The following CLYBL variants were observed in gnomAD, a reference collection of about 807,000 sequenced individuals.
CLYBL encodes the protein citramalyl-CoA lyase.
Under a neutral mutation model 38.9 loss-of-function variants are expected in CLYBL, and 31 were observed. The observed-to-expected ratio is 0.80, with a 90% CI of 0.60 to 1.08. CLYBL has a LOEUF of 1.08. Ranked by LOEUF, CLYBL falls within the 50% of genes least tolerant of loss-of-function variation. CLYBL has a pLI of 0.00. For missense variants in CLYBL, 434 were observed against 411.6 expected (o/e 1.05, Z -0.47); for synonymous variants, 171 against 158.6 (o/e 1.08, Z -0.59).
intron 2 of CLYBL, among the ~76,000 whole-genome samples, chr13:99,800,879 A>T (rs1239016625): frequency 2.0e-5 from 3 of 147,858 alleles, no homozygotes; most frequent in Admixed American, 1.4e-4. Context: ...GTCTCAAATT[A>T]AAAAACAACA....
chr13:99,644,202 GTA>G (rs1365047125), intron 1 of CLYBL, among the ~76,000 whole-genome samples: 2 of 73,236 alleles, frequency 2.7e-5, no homozygotes, highest in Admixed American at 2.5e-4. Flanking sequence ...TATATGTGGT[GTA>G]TGTGTATATG....
rs1438231059 is a variant in CLYBL at position 99,788,355 on chromosome 13, T to C, written c.249+15345T>C. ...GTGGATTTGTCATAAATAGCTCTTA[T>C]TATTTTGAGATACATCCCATCAATA... On this transcript the variant is annotated intron_variant, in intron 2 of 8. Coordinates refer to ENST00000339105, the MANE Select transcript of CLYBL (RefSeq NM_206808.5). 6.6e-5 allele frequency among the ~76,000 whole-genome samples: 10 copies of C among 152,338 alleles called. No homozygotes were observed. In the South Asian group the frequency reaches 8.3e-4, roughly 13 times the overall value.
At chr13:99,740,384 C>T (rs2048733505) in intron 1 of CLYBL, among the ~76,000 whole-genome samples, 1 of 152,214 alleles carries the variant, frequency 6.6e-6, no homozygotes, top group South Asian at 2.1e-4. Flanking sequence ...CTGTAAGCAT[C>T]TTTCCTTAAG....
intron 2 of CLYBL, among the ~76,000 whole-genome samples, chr13:99,776,092 A>C (rs2138811353): frequency 6.6e-6 from 1 of 151,458 alleles, no homozygotes; most frequent in African/African-American, 2.4e-5. Context: ...TGAACCCAGG[A>C]GGCAGAGCTT....
Position 99,635,269 on chromosome 13 carries a change from G to T in CLYBL, c.62+28512G>T, listed in dbSNP as rs7330630. Among the ~76,000 whole-genome samples the T allele has an allele frequency of 4.6e-3, 700 of 152,052 alleles. 5 individuals are homozygous for T. Among genetic ancestry groups the T allele is most frequent in the Middle Eastern group, 0.01 (3 of 294 alleles). ...GACCCAAATCCTTCTCAAATCTGCC[G>T]CCTTTCTCTGTCATGATTTTTATAA... On this transcript the variant is annotated intron_variant, in intron 1 of 8. Coordinates refer to ENST00000339105, the MANE Select transcript of CLYBL (RefSeq NM_206808.5).
rs190287932 is a variant in CLYBL at position 99,665,604 on chromosome 13, A to G, written c.62+58847A>G. Among the ~76,000 whole-genome samples, 52 of 152,232 alleles carry G rather than the reference A, an allele frequency of 3.4e-4. 1 individual carries two copies. The East Asian group carries it at 9.6e-3, about 28-fold the overall frequency. ...CCCAAAGGTTAAAAAAAAAAACCCA[A>G]AACTCCTCTGGGGAAATAATCATTT... is the stretch of plus-strand genomic sequence containing the variant. On this transcript the variant is annotated intron_variant, in intron 1 of 8. Transcript: ENST00000339105.
At chr13:99,874,412 AT>A (rs1408143384) in intron 7 of CLYBL, among the ~76,000 whole-genome samples, 2 of 152,134 alleles carry the variant, frequency 1.3e-5, no homozygotes, top group Non-Finnish European at 2.9e-5. Flanking sequence ...TTTATAAAGG[AT>A]TTTCTTAAAA....
At chr13:99,724,722 G>C (rs556440247) in intron 1 of CLYBL, among the ~76,000 whole-genome samples, 1 of 152,300 alleles carries the variant, frequency 6.6e-6, no homozygotes, top group East Asian at 1.9e-4. Context: ...AGACGCAAAG[G>C]CCATTGCAGC....
At chr13:99,875,176 A>T (rs2052005501) in intron 7 of CLYBL, among the ~76,000 whole-genome samples, 1 of 152,228 alleles carries the variant, frequency 6.6e-6, no homozygotes, top group African/African-American at 2.4e-5. Flanking sequence ...AACAATTACA[A>T]ATGTCAGAAA....
chr13:99,873,175 G>A (rs1490114933), intron 7 of CLYBL, among the ~76,000 whole-genome samples: 1 of 152,088 alleles, frequency 6.6e-6, no homozygotes, highest in Non-Finnish European at 1.5e-5. Flanking sequence ...CTTCCAGTAG[G>A]GACATATGGT....
intron 2 of CLYBL, among the ~76,000 whole-genome samples, chr13:99,800,329 A>G (rs962420665): frequency 2.0e-5 from 3 of 152,180 alleles, no homozygotes; most frequent in Admixed American, 6.5e-5. Flanking sequence ...GGGAGAGTTC[A>G]TTTCTCTCTG....
chr13:99,733,441 G>T (rs560131871), intron 1 of CLYBL, among the ~76,000 whole-genome samples: 4 of 152,306 alleles, frequency 2.6e-5, no homozygotes, highest in African/African-American at 9.6e-5. Context: ...ATTATTGCCT[G>T]AACTTCCTTT....
rs948536934 is a variant in CLYBL, at chr13:99,789,784, T to A, written c.249+16774T>A. Among the ~76,000 whole-genome samples the A allele has an allele frequency of 5.6e-4, 86 of 152,332 alleles. 1 individual carries two copies. Among genetic ancestry groups the A allele is most frequent in the African/African-American group, 2.0e-3 (84 of 41,582 alleles). On this transcript the variant is annotated intron_variant, in intron 2 of 8. Transcript: ENST00000339105. ...CTTTCTGTCTCGTTGATCTGTCTAA[T>A]GTTGACTGTGGGGTGTTAAAGTCTC...
At chr13:99,652,270 G>T (rs570970456) in intron 1 of CLYBL, among the ~76,000 whole-genome samples, 1 of 152,294 alleles carries the variant, frequency 6.6e-6, no homozygotes, top group African/African-American at 2.4e-5. Context: ...AGTTCCTCAG[G>T]GGGTGAAGTG....
intron 6 of CLYBL, among the ~76,000 whole-genome samples, chr13:99,867,658 C>G (rs533960640): frequency 6.6e-6 from 1 of 152,254 alleles, no homozygotes; most frequent in Non-Finnish European, 1.5e-5. Flanking sequence ...CTGCCTCTTT[C>G]CAACGGCTGG....
At chr13:99,652,666 G>A (rs2047271804) in intron 1 of CLYBL, among the ~76,000 whole-genome samples, 1 of 152,220 alleles carries the variant, frequency 6.6e-6, no homozygotes, top group Admixed American at 6.5e-5. Context: ...GATGGATGAG[G>A]TGCGAAAGGG....
At chr13:99,892,056 G>C (rs1299727572) in intron 8 of CLYBL, 1 of 152,220 alleles carries the variant, frequency 6.6e-6, no homozygotes, top group African/African-American at 2.4e-5. Flanking sequence ...CACGAAAGCT[G>C]TCATCCTGGG....
chr13:99,626,214 G>T (rs944124815), intron 1 of CLYBL, among the ~76,000 whole-genome samples: 3 of 152,246 alleles, frequency 2.0e-5, no homozygotes, highest in African/African-American at 4.8e-5. Flanking sequence ...CCTCTGGGCA[G>T]AGTTTAAAGT....
intron 1 of CLYBL, among the ~76,000 whole-genome samples, chr13:99,677,567 T>A (rs1241346745): frequency 6.6e-6 from 1 of 152,226 alleles, no homozygotes; most frequent in Admixed American, 6.5e-5. Context: ...TGTTTGCGAT[T>A]TATCTGGCAA....
Sources: allele counts gnomAD v4.1 joint callset (sites outside exome capture counted in the v4.1 genomes callset), GRCh38; gene constraint gnomAD v4.1.1; transcripts MANE v1.5; gene names NCBI Gene and HGNC (gene_info 2026-07-23, HGNC 2026-07-21).